Variants in FMNL2 observed in about 807,000 individuals in gnomAD.
FMNL2 encodes the protein formin-like protein 2.
In FMNL2, 51 loss-of-function variants were observed where a neutral mutation model predicts 130.2. The observed-to-expected ratio is 0.39, with a 90% CI of 0.31 to 0.49. FMNL2 has a LOEUF of 0.49. FMNL2 is among the 20% of genes least tolerant of loss of function. FMNL2 has a pLI of 0.85. For synonymous variants in FMNL2, 465 were observed against 467.1 expected, an observed-to-expected ratio of 1.00 and a Z score of 0.06; for missense variants, 977 against 1,316.2, an observed-to-expected ratio of 0.74 and a Z score of 3.99.
chr2:152,392,350 C>G (rs1452643675), intron 1 of FMNL2, among the ~76,000 whole-genome samples: 2 of 152,092 alleles, frequency 1.3e-5, no homozygotes, highest in Admixed American at 6.6e-5. Context: ...CATTTTTCAT[C>G]TTTTCTGTGG....
chr2:152,443,114 G>C (rs1051249644), intron 1 of FMNL2, among the ~76,000 whole-genome samples: 1 of 152,174 alleles, frequency 6.6e-6, no homozygotes, highest in Non-Finnish European at 1.5e-5. Flanking sequence ...ACTTATAGAC[G>C]GTAGTTGATT....
intron 1 of FMNL2, among the ~76,000 whole-genome samples, chr2:152,340,364 C>G (rs532122636): frequency 6.6e-6 from 1 of 152,326 alleles, no homozygotes; most frequent in South Asian, 2.1e-4. Context: ...TAAAAAATTC[C>G]TGTCTGGTTA....
chr2:152,616,505 AT>A (rs1408162033), intron 12 of FMNL2, among the ~76,000 whole-genome samples: 8 of 151,154 alleles, frequency 5.3e-5, no homozygotes, highest in African/African-American at 7.3e-5. Context: ...TAATTTTTGT[AT>A]TTTTTAGTAG....
chr2:152,519,492 G>A (rs925553045), intron 1 of FMNL2, among the ~76,000 whole-genome samples: 4 of 152,190 alleles, frequency 2.6e-5, no homozygotes, highest in African/African-American at 7.2e-5. Context: ...TTCCTGTGGC[G>A]ATGTTTGCCA....
At chr2:152,617,852 C>G (rs1699037568) in intron 13 of FMNL2, among the ~76,000 whole-genome samples, 1 of 152,240 alleles carries the variant, frequency 6.6e-6, no homozygotes, top group Non-Finnish European at 1.5e-5. Flanking sequence ...CTTTACACCA[C>G]TGCTAATGAA....
intron 1 of FMNL2, among the ~76,000 whole-genome samples, chr2:152,460,900 G>C (rs546953049): frequency 6.6e-6 from 1 of 152,020 alleles, no homozygotes; most frequent in African/African-American, 2.4e-5. Context: ...TAATTATTTC[G>C]TTATATATTA....
chr2:152,430,670 C>G (rs1344195288), intron 1 of FMNL2, among the ~76,000 whole-genome samples: 1 of 152,044 alleles, frequency 6.6e-6, no homozygotes, highest in South Asian at 2.1e-4. Flanking sequence ...CTCAGGAGTT[C>G]GAGACCACTC....
chr2:152,429,150 A>G (rs954433207), intron 1 of FMNL2, among the ~76,000 whole-genome samples: 1 of 151,660 alleles, frequency 6.6e-6, no homozygotes, highest in East Asian at 1.9e-4. Context: ...ACAAACCTGC[A>G]CATCCTGCAC....
chr2:152,495,006 A>G (rs1268004907), intron 1 of FMNL2, among the ~76,000 whole-genome samples: 1 of 152,238 alleles, frequency 6.6e-6, no homozygotes, highest in African/African-American at 2.4e-5. Flanking sequence ...GTTATAGCTC[A>G]GTTTAATTAA....
chr2:152,484,822 T>C (rs1690728585), intron 1 of FMNL2, among the ~76,000 whole-genome samples: 1 of 152,134 alleles, frequency 6.6e-6, no homozygotes, highest in Non-Finnish European at 1.5e-5. Flanking sequence ...TAAACAGTGA[T>C]ACAGAAGAGA....
intron 1 of FMNL2, among the ~76,000 whole-genome samples, chr2:152,446,156 G>A (rs951258160): frequency 5.9e-5 from 9 of 152,196 alleles, no homozygotes; most frequent in African/African-American, 2.2e-4. Context: ...TATAGTCAGT[G>A]ATTTCTGTGT....
At chr2:152,512,083 C>T (rs2105363890) in intron 1 of FMNL2, among the ~76,000 whole-genome samples, 1 of 152,246 alleles carries the variant, frequency 6.6e-6, no homozygotes, top group East Asian at 1.9e-4. Flanking sequence ...CTAATCATTG[C>T]CCATGAAGGA....
chr2:152,546,470 C>G (rs1472870428), intron 3 of FMNL2, among the ~76,000 whole-genome samples: 3 of 152,028 alleles, frequency 2.0e-5, no homozygotes, highest in Admixed American at 6.6e-5. Context: ...AGGACAGCAC[C>G]AAGCAGTTCA....
chr2:152,384,328 C>G (rs1469464195), intron 1 of FMNL2, among the ~76,000 whole-genome samples: 1 of 152,194 alleles, frequency 6.6e-6, no homozygotes, highest in Non-Finnish European at 1.5e-5. Context: ...CATGACTTGT[C>G]CTCACTCCAG....
chr2:152,476,049 G>A (rs978156501), intron 1 of FMNL2, among the ~76,000 whole-genome samples: 2 of 152,180 alleles, frequency 1.3e-5, no homozygotes, highest in Non-Finnish European at 2.9e-5. Context: ...TGGTTTTAGG[G>A]TGAGGGTGCC....
intron 1 of FMNL2, among the ~76,000 whole-genome samples, chr2:152,505,199 C>T (rs1692093270): frequency 6.6e-6 from 1 of 151,840 alleles, no homozygotes; most frequent in Admixed American, 6.6e-5. Context: ...GAAAGAAAAT[C>T]TTTGCACCTT....
chr2:152,614,802 A>C, intron 11 of FMNL2, 49 bp from the exon 12 acceptor site: 1 of 1,534,198 alleles, frequency 6.5e-7, no homozygotes, highest in African/African-American at 1.4e-5. Flanking sequence ...ATGATGTTCT[A>C]TTTCCATAGA....
intron 6 of FMNL2, among the ~76,000 whole-genome samples, chr2:152,566,435 T>A (rs1250522117): frequency 6.6e-6 from 1 of 152,168 alleles, no homozygotes; most frequent in Admixed American, 6.5e-5. Context: ...GTGAGGAAAC[T>A]GGGGCCTGAA....
chr2:152,432,357 CGG>C (rs1687541251), intron 1 of FMNL2, among the ~76,000 whole-genome samples: 2 of 152,226 alleles, frequency 1.3e-5, no homozygotes, highest in African/African-American at 2.4e-5. Context: ...CAAAGCAGAG[CGG>C]AAGCATTGTG....
Sources: gnomAD v4.1 joint callset for allele counts (sites outside exome capture counted in the v4.1 genomes callset) on GRCh38, gnomAD v4.1.1 for gene constraint, MANE v1.5 for transcripts, NCBI Gene and HGNC (gene_info 2026-07-23, HGNC 2026-07-21) for gene names.